Variants in EIPR1 observed in about 807,000 individuals in gnomAD.
EIPR1 encodes the protein EARP and GARP complex-interacting protein 1.
In EIPR1, 25 loss-of-function variants were observed where a neutral mutation model predicts 48.1. The ratio of observed to expected loss-of-function variants is 0.52; its 90% confidence interval spans 0.38 to 0.73. The LOEUF (loss-of-function observed/expected upper bound fraction) is 0.73. EIPR1 is among the 30% of genes least tolerant of loss of function. The pLI, the probability that EIPR1 is intolerant of heterozygous loss-of-function variation, is 0.00. For synonymous variants in EIPR1, 204 were observed against 201.9 expected (o/e 1.01, Z -0.09); for missense variants, 415 against 506.2 (o/e 0.82, Z 1.73).
chr2:3,208,967 C>T, intron 5 of EIPR1: 1 of 1,483,236 alleles, frequency 6.7e-7, no homozygotes, highest in Non-Finnish European at 9.0e-7. Flanking sequence ...TCTAATAGGA[C>T]AAGGGAAGAG....
Position 3,324,824 on chromosome 2 carries a change from C to T in EIPR1, c.259+13193G>A, listed in dbSNP as rs184903164. Among the ~76,000 whole-genome samples, 962 of 148,224 alleles carry T rather than the reference C, an allele frequency of 6.5e-3. 13 individuals are homozygous for T. Among genetic ancestry groups the T allele is most frequent in the African/African-American group, 0.022 (918 of 41,236 alleles). On this transcript the variant is annotated intron_variant, in intron 3 of 8. Transcript: ENST00000382125. ...CAGACTTCCGAAGTGGCCGCTGCCG[C>T]GCCTCCAGCACCTCGGGGGGAGGGC...
chr2:3,263,650 A>G (rs1667401485), intron 3 of EIPR1, among the ~76,000 whole-genome samples: 1 of 152,076 alleles, frequency 6.6e-6, no homozygotes, highest in South Asian at 2.1e-4. Flanking sequence ...CGCCCTCCCC[A>G]GGAGGTGGCA....
At chr2:3,321,330 G>A (rs1244759374) in intron 3 of EIPR1, among the ~76,000 whole-genome samples, 3 of 152,280 alleles carry the variant, frequency 2.0e-5, no homozygotes, top group Admixed American at 6.5e-5. Flanking sequence ...AACTTTAACC[G>A]GAGACACACA....
intron 4 of EIPR1, among the ~76,000 whole-genome samples, chr2:3,251,134 A>T (rs569661763): frequency 2.6e-5 from 4 of 152,250 alleles, no homozygotes; most frequent in Non-Finnish European, 5.9e-5. Context: ...AATTCCACCC[A>T]GGCGGCCAGC....
chr2:3,259,536 T>C (rs1268236527), intron 3 of EIPR1, among the ~76,000 whole-genome samples: 1 of 152,198 alleles, frequency 6.6e-6, no homozygotes, highest in Non-Finnish European at 1.5e-5. Context: ...CCGGTTCATG[T>C]AGCGCTATTC....
chr2:3,208,865 C>A, intron 5 of EIPR1: 1 of 1,550,298 alleles, frequency 6.5e-7, no homozygotes, highest in Non-Finnish European at 8.7e-7. Context: ...TCCCCGACTC[C>A]AGTGTTCCTC....
intron 4 of EIPR1, among the ~76,000 whole-genome samples, chr2:3,252,198 T>A (rs1377206582): frequency 6.6e-6 from 1 of 152,124 alleles, no homozygotes; most frequent in East Asian, 1.9e-4. Flanking sequence ...CCTGACAAAG[T>A]CAGCAGCTTC....
intron 4 of EIPR1, among the ~76,000 whole-genome samples, chr2:3,227,859 G>A (rs1290335218): frequency 6.6e-6 from 1 of 152,258 alleles, no homozygotes; most frequent in East Asian, 1.9e-4. Context: ...AAGCCTTGGT[G>A]CTTCCACATG....
chr2:3,337,095 G>C (rs1403716502), intron 3 of EIPR1, among the ~76,000 whole-genome samples: 1 of 144,566 alleles, frequency 6.9e-6, no homozygotes, highest in Non-Finnish European at 1.5e-5. Flanking sequence ...AAAAGGGAAG[G>C]GAAAAGGGAA....
At chr2:3,284,107 G>A (rs1366699610) in intron 3 of EIPR1, among the ~76,000 whole-genome samples, 4 of 152,154 alleles carry the variant, frequency 2.6e-5, no homozygotes, top group Admixed American at 6.5e-5. Flanking sequence ...AGAAGGCCGC[G>A]GCACGGCTGC....
chr2:3,340,953 C>A (rs553913225), intron 2 of EIPR1, among the ~76,000 whole-genome samples: 1 of 151,596 alleles, frequency 6.6e-6, no homozygotes, highest in African/African-American at 2.4e-5. Flanking sequence ...AAAAATTAGC[C>A]GGGCGTAGTG....
chr2:3,234,574 C>T (rs1029003168), intron 4 of EIPR1, among the ~76,000 whole-genome samples: 3 of 152,204 alleles, frequency 2.0e-5, no homozygotes, highest in Non-Finnish European at 4.4e-5. Context: ...AGGGCCGTGG[C>T]GGTCAACACC....
chr2:3,339,778 G>T (rs1670176449), intron 2 of EIPR1, among the ~76,000 whole-genome samples: 3 of 152,276 alleles, frequency 2.0e-5, no homozygotes, highest in Admixed American at 2.0e-4. Context: ...GTGAAACCCC[G>T]TCTCTACTAA....
chr2:3,212,721 G>C (rs1022651467), intron 5 of EIPR1, among the ~76,000 whole-genome samples: 9 of 152,146 alleles, frequency 5.9e-5, no homozygotes, highest in Non-Finnish European at 1.2e-4. Flanking sequence ...GTCCACGGGG[G>C]TCAATCTCAG....
chr2:3,303,279 C>T (rs984012914), intron 3 of EIPR1, among the ~76,000 whole-genome samples: 3 of 152,206 alleles, frequency 2.0e-5, no homozygotes, highest in Non-Finnish European at 4.4e-5. Flanking sequence ...CCAGCCATGC[C>T]GAGGGCCAGG....
intron 2 of EIPR1, among the ~76,000 whole-genome samples, chr2:3,350,551 A>T (rs1267815938): frequency 2.6e-5 from 4 of 152,206 alleles, no homozygotes; most frequent in African/African-American, 9.7e-5. Flanking sequence ...TTCACTAAAC[A>T]CTGAACTCAG....
At chr2:3,353,011 CAGA>C (rs1670625078) in intron 2 of EIPR1, among the ~76,000 whole-genome samples, 1 of 152,110 alleles carries the variant, frequency 6.6e-6, no homozygotes, top group Non-Finnish European at 1.5e-5. Context: ...AAACAAAAAC[CAGA>C]AGAAGGGTGA....
At chr2:3,327,806 A>G (rs939813745) in intron 3 of EIPR1, among the ~76,000 whole-genome samples, 1 of 151,732 alleles carries the variant, frequency 6.6e-6, no homozygotes, top group Non-Finnish European at 1.5e-5. Context: ...TTTATTCTCA[A>G]TCTCTGTATA....
chr2:3,302,959 T>C (rs1249473203), intron 3 of EIPR1, among the ~76,000 whole-genome samples: 1 of 152,120 alleles, frequency 6.6e-6, no homozygotes, highest in Non-Finnish European at 1.5e-5. Flanking sequence ...GGACACGAAA[T>C]CTGACTCCGT....
Sources: gnomAD v4.1 joint callset for allele counts (sites outside exome capture counted in the v4.1 genomes callset) on GRCh38, gnomAD v4.1.1 for gene constraint, MANE v1.5 for transcripts, NCBI Gene and HGNC (gene_info 2026-07-23, HGNC 2026-07-21) for gene names.